The following ZMIZ1 variants were observed in gnomAD, a reference collection of about 807,000 sequenced individuals.
The protein encoded by ZMIZ1 is zinc finger MIZ domain-containing protein 1.
ZMIZ1 carries 17 observed loss-of-function variants against 113.9 expected under a neutral mutation model. The observed-to-expected ratio is 0.15, with a 90% confidence interval of 0.10 to 0.22. The LOEUF (loss-of-function observed/expected upper bound fraction) is 0.22. Among genes scored for constraint, ZMIZ1 ranks in the 10% least tolerant of loss-of-function variants. The pLI is 1.00. For missense variants in ZMIZ1, 1,059 were observed against 1,477.8 expected (o/e 0.72, Z 4.65); for synonymous variants, 607 against 603.1 (o/e 1.01, Z -0.09).
chr10:79,135,578 C>T (rs1255740734), intron 2 of ZMIZ1, among the ~76,000 whole-genome samples: 2 of 152,170 alleles, frequency 1.3e-5, no homozygotes, highest in African/African-American at 2.4e-5. Flanking sequence ...TTCTTCCTGG[C>T]CAATCTGAAA....
At chr10:79,088,252 C>T (rs1842874757) in intron 1 of ZMIZ1, among the ~76,000 whole-genome samples, 1 of 152,254 alleles carries the variant, frequency 6.6e-6, no homozygotes, top group Non-Finnish European at 1.5e-5. Context: ...CCTGCATTGC[C>T]GCTGCCCAGG....
At chr10:79,098,846 G>A (rs542828016) in intron 1 of ZMIZ1, among the ~76,000 whole-genome samples, 1 of 152,212 alleles carries the variant, frequency 6.6e-6, no homozygotes, top group Non-Finnish European at 1.5e-5. Flanking sequence ...TCATTAGCAA[G>A]GAGATTGGGT....
At chr10:79,243,196 C>T (rs1419474452) in intron 7 of ZMIZ1, among the ~76,000 whole-genome samples, 2 of 150,982 alleles carry the variant, frequency 1.3e-5, no homozygotes, top group African/African-American at 4.8e-5. Context: ...TGGGTGGTCA[C>T]GCCCGCAGGG....
chr10:79,285,617 C>T (rs1231589393), intron 8 of ZMIZ1: 2 of 455,886 alleles, frequency 4.4e-6, no homozygotes, highest in South Asian at 1.5e-5. Context: ...CAGCATCACT[C>T]CAAGGGTGAG....
chr10:79,083,880 C>G (rs558122390), intron 1 of ZMIZ1, among the ~76,000 whole-genome samples: 3 of 152,256 alleles, frequency 2.0e-5, no homozygotes, highest in African/African-American at 7.2e-5. Flanking sequence ...CTTGTCAATT[C>G]CTGTGCCTCA....
intron 1 of ZMIZ1, among the ~76,000 whole-genome samples, chr10:79,085,529 G>A (rs187558991): frequency 6.6e-6 from 1 of 152,228 alleles, no homozygotes; most frequent in South Asian, 2.1e-4. Flanking sequence ...GGGATGAGAG[G>A]CCTTCCATGG....
chr10:79,151,747 C>T (rs1396249611), intron 3 of ZMIZ1, among the ~76,000 whole-genome samples: 1 of 152,254 alleles, frequency 6.6e-6, no homozygotes, highest in East Asian at 1.9e-4. Flanking sequence ...CGGGTGGGCC[C>T]CACTGCCTCT....
At chr10:79,166,296 C>T (rs1256098447) in intron 4 of ZMIZ1, among the ~76,000 whole-genome samples, 1 of 152,244 alleles carries the variant, frequency 6.6e-6, no homozygotes, top group Non-Finnish European at 1.5e-5. Context: ...CCTCAGGGCT[C>T]TGCACAACAG....
At chr10:79,070,146 CGG>C (rs375034492) in intron 1 of ZMIZ1, among the ~76,000 whole-genome samples, 2 of 40,206 alleles carry the variant, frequency 5.0e-5, no homozygotes, top group South Asian at 9.3e-4. Context: ...GAGCCGGGGT[CGG>C]GGGGGGGAGG....
chr10:79,191,185 A>G (rs1218567140), intron 4 of ZMIZ1, among the ~76,000 whole-genome samples: 2 of 152,046 alleles, frequency 1.3e-5, no homozygotes, highest in Non-Finnish European at 2.9e-5. Context: ...AGTTCTGTCT[A>G]ACTCTTCCTG....
At position 79,290,707 on chromosome 10, in the gene ZMIZ1, T is replaced by C. The variant is rs1211546342; in HGVS notation, c.541-252T>C. On this transcript the variant is annotated intron_variant, in intron 9 of 24. Transcript: ENST00000334512. ...CTGGGGACCGCTTGAACTGGCTTTG[T>C]GGGGCTTGGTCATACCCTCAGCTTG... The C allele has an allele frequency of 2.4e-5, 16 of 680,018 alleles. No individual in the cohort carries two copies. The South Asian group carries it at 2.4e-4, about 10-fold the overall frequency. The allele number at this position is 680,018 out of a possible 1,614,324, so 42.1% of individuals were successfully genotyped here.
chr10:79,311,640 T>C (rs1258707959), intron 24 of ZMIZ1, among the ~76,000 whole-genome samples: 1 of 151,878 alleles, frequency 6.6e-6, no homozygotes, highest in Non-Finnish European at 1.5e-5. Flanking sequence ...TGCTTCTGCT[T>C]GCTCCATCGC....
rs1287450241 is a variant in ZMIZ1 at position 79,311,002 on chromosome 10, T to G, written c.2914T>G (p.Ser972Ala). The change falls in exon 24 of 25, where the codon TCA (serine) becomes GCA (alanine). Residue 972 changes from serine to alanine, a missense_variant. By Grantham distance (99) the Ser-to-Ala change is moderately conservative. Coordinates refer to ENST00000334512, the MANE Select transcript of ZMIZ1 (RefSeq NM_020338.4). The part of the protein sequence containing the change: ...GLHVPHPSSQ[S>A]GPPLHHSGAP... ...GCACGTACCACACCCCAGCAGCCAG[T>G]CAGGGCCTCCATTACATCACAGTGG... The G allele has an allele frequency of 1.9e-6, 3 of 1,613,656 alleles. No homozygotes were observed. The highest frequency in any genetic ancestry group is 2.5e-6 in the Non-Finnish European group (3 of 1,179,978).
At chr10:79,303,801 C>T (rs1854501950) in intron 18 of ZMIZ1, among the ~76,000 whole-genome samples, 1 of 152,274 alleles carries the variant, frequency 6.6e-6, no homozygotes, top group Admixed American at 6.5e-5. Flanking sequence ...GGCACACACA[C>T]ACCACACGTG....
chr10:79,077,596 A>G (rs189712262), intron 1 of ZMIZ1, among the ~76,000 whole-genome samples: 182 of 152,342 alleles, frequency 1.2e-3, no homozygotes, highest in Non-Finnish European at 2.3e-3. Context: ...AAGGTCTGCC[A>G]TAAATATAAT....
At chr10:79,226,787 CAGAT>C (rs1449176602) in intron 7 of ZMIZ1, among the ~76,000 whole-genome samples, 1 of 152,124 alleles carries the variant, frequency 6.6e-6, no homozygotes, top group Non-Finnish European at 1.5e-5. Flanking sequence ...GTTAGACAGA[CAGAT>C]AGGCATTAAT....
In ZMIZ1 at chr10:79,296,317, C is replaced by T. The variant is rs559768219; in HGVS notation, c.1231-154C>T. 13 of 851,708 alleles carry T rather than the reference C, an allele frequency of 1.5e-5. No individual in the cohort carries two copies. The highest frequency in any genetic ancestry group is 2.9e-4 in the Middle Eastern group (1 of 3,470). The allele number at this position is 851,708 out of a possible 1,614,324, so 52.8% of individuals were successfully genotyped here. A position where few individuals can be genotyped will look rare whatever the true frequency, so the allele number is the denominator to read the frequency against. On this transcript the variant is annotated intron_variant, in intron 12 of 24. Transcript: ENST00000334512. This position sits in a 1 kb window ranked among gnomAD's most constrained non-coding sequence, Gnocchi z 4.1. ...AACAAAATGCCCCTGGATGTCAGGA[C>T]GAGAAGGGGCCCAAAGCATTATCTG...
intron 4 of ZMIZ1, among the ~76,000 whole-genome samples, chr10:79,174,267 C>G (rs149130488): frequency 6.6e-6 from 1 of 152,124 alleles, no homozygotes; most frequent in Non-Finnish European, 1.5e-5. Context: ...GTCGGGGACA[C>G]CGGGGACACA....
intron 4 of ZMIZ1, among the ~76,000 whole-genome samples, chr10:79,187,039 C>G (rs988162971): frequency 2.4e-4 from 37 of 152,186 alleles, no homozygotes; most frequent in Non-Finnish European, 4.4e-5. Context: ...CTGGTAGGCA[C>G]TCCCAGCAGG....
Sources: allele counts gnomAD v4.1 joint callset (sites outside exome capture counted in the v4.1 genomes callset), GRCh38; gene constraint gnomAD v4.1.1; non-coding constraint Gnocchi (gnomAD v3.1); transcripts MANE v1.5; gene names NCBI Gene and HGNC (gene_info 2026-07-23, HGNC 2026-07-21).